LRCH3: variants seen among roughly 807,000 people sequenced by gnomAD.
LRCH3 encodes leucine rich repeats and calponin homology domain containing 3, also known as DISP complex protein LRCH3.
Under a neutral mutation model 104.5 loss-of-function variants are expected in LRCH3, and 68 were observed. The ratio of observed to expected loss-of-function variants is 0.65; its 90% CI spans 0.54 to 0.80. The LOEUF is 0.80. LRCH3 is among the 30% of genes least tolerant of loss of function. LRCH3 has a pLI of 0.00. For synonymous variants in LRCH3, 344 were observed against 361.3 expected (o/e 0.95, Z 0.54); for missense variants, 951 against 953.9 (o/e 1.00, Z 0.04).
Position 197,810,034 on chromosome 3 carries a change from C to T in LRCH3, c.263-4874C>T, listed in dbSNP as rs1003312204. 2.0e-5 allele frequency among the ~76,000 whole-genome samples: 3 copies of T among 152,106 alleles called. No individual in the cohort carries two copies. Among genetic ancestry groups the T allele is most frequent in the African/African-American group, 7.2e-5 (3 of 41,414 alleles). ...TAACCTTTGAGTAGGGGTGAGGCTA[C>T]TCAAAGGTTGCATGGGAAGCCTGTT... is the stretch of plus-strand genomic sequence containing the variant. On this transcript the variant is annotated intron_variant, in intron 1 of 20. Transcript: ENST00000425562. This position sits in a 1 kb window ranked among gnomAD's most constrained non-coding sequence, Gnocchi z 4.0.
chr3:197,872,767 A>T (rs974186732), intron 19 of LRCH3, among the ~76,000 whole-genome samples: 9 of 152,170 alleles, frequency 5.9e-5, no homozygotes, highest in African/African-American at 2.2e-4. Flanking sequence ...AGCCAGGAGA[A>T]TCACTTGAAC....
intron 5 of LRCH3, among the ~76,000 whole-genome samples, chr3:197,828,668 A>G (rs1287125775): frequency 1.4e-5 from 2 of 141,398 alleles, no homozygotes; most frequent in African/African-American, 5.3e-5. Flanking sequence ...TTAACTCTGC[A>G]GTTTATTGAC....
chr3:197,818,023 G>A (rs113792496), intron 3 of LRCH3, among the ~76,000 whole-genome samples: 10,255 of 152,124 alleles, frequency 0.067, 467 homozygotes, highest in Non-Finnish European at 0.092. Context: ...GGGTTTCACC[G>A]TGTTAGCCAG....
At chr3:197,836,239 C>A (rs1736777406) in intron 9 of LRCH3, among the ~76,000 whole-genome samples, 2 of 152,234 alleles carry the variant, frequency 1.3e-5, no homozygotes, top group Admixed American at 6.5e-5. Context: ...AACATGCAGA[C>A]TTAACCATAG....
Position 197,835,665 on chromosome 3 carries a change from T to A in LRCH3, c.1103-9T>A. On this transcript the variant is annotated splice_polypyrimidine_tract_variant and intron_variant, in intron 8 of 20. Transcript: ENST00000425562. ...TGTGTGTGTGTGGGTGTGTGTGTGG[T>A]GTATACAGTGGAACATGATCTGGAT... is the stretch of plus-strand genomic sequence containing the variant. The A allele has an allele frequency of 6.2e-7, 1 of 1,609,900 alleles. No individual in the cohort carries two copies. The highest frequency in any genetic ancestry group is 8.5e-7 in the Non-Finnish European group (1 of 1,177,834).
At chr3:197,840,490 G>A (rs899749026) in intron 10 of LRCH3, among the ~76,000 whole-genome samples, 1 of 152,146 alleles carries the variant, frequency 6.6e-6, no homozygotes, top group Admixed American at 6.5e-5. Context: ...TTGAAAATTA[G>A]CTTGATCGTT....
At position 197,866,105 on chromosome 3, in the gene LRCH3, A is replaced by G. The variant is rs758416265; in HGVS notation, c.1766-7A>G. 19 of 1,590,878 alleles carry G rather than the reference A, an allele frequency of 1.2e-5. No homozygotes were observed. The highest frequency in any genetic ancestry group is 1.3e-5 in the Non-Finnish European group (15 of 1,158,988). ...TTAATCTCATTTTATTTTTCATGCT[A>G]ATTTAGTTCATCATTCCCCTGCATA... On this transcript the variant is annotated splice_polypyrimidine_tract_variant and splice_region_variant and intron_variant, in intron 16 of 20. Transcript: ENST00000425562.
intron 1 of LRCH3, among the ~76,000 whole-genome samples, chr3:197,811,138 C>G (rs1267511249): frequency 6.6e-6 from 1 of 152,100 alleles, no homozygotes; most frequent in African/African-American, 2.4e-5. Context: ...ACTGCGCTGC[C>G]GTCTATGTTC....
intron 15 of LRCH3, among the ~76,000 whole-genome samples, chr3:197,864,048 A>C (rs923417047): frequency 6.7e-6 from 1 of 150,228 alleles, no homozygotes; most frequent in Admixed American, 6.6e-5. Context: ...GCTCATGCCT[A>C]TAATCCCAGC....
chr3:197,808,823 G>C (rs1419831811), intron 1 of LRCH3, among the ~76,000 whole-genome samples: 1 of 152,044 alleles, frequency 6.6e-6, no homozygotes, highest in Admixed American at 6.6e-5. Context: ...AGGATCACTT[G>C]AGCCCAGGAG....
intron 20 of LRCH3, among the ~76,000 whole-genome samples, chr3:197,879,545 C>T (rs1292479794): frequency 3.3e-5 from 5 of 151,794 alleles, no homozygotes; most frequent in Non-Finnish European, 7.4e-5. Flanking sequence ...GCTCGGGAGG[C>T]TGAGGCGGGA....
chr3:197,819,877 T>C (rs1734286139), intron 3 of LRCH3, among the ~76,000 whole-genome samples: 1 of 152,140 alleles, frequency 6.6e-6, no homozygotes, highest in Non-Finnish European at 1.5e-5. Flanking sequence ...TTTTTTCTTT[T>C]TAAAAAAAAG....
At chr3:197,801,242 G>A (rs138196942) in intron 1 of LRCH3, among the ~76,000 whole-genome samples, 103 of 152,196 alleles carry the variant, frequency 6.8e-4, no homozygotes, top group Admixed American at 2.5e-3. Context: ...AAAAATATAA[G>A]TGCTAAAAGT....
At position 197,879,123 on chromosome 3, in the gene LRCH3, CAA is replaced by C. The variant is rs1377900670; in HGVS notation, c.2208+3354_2208+3355del. On this transcript the variant is annotated intron_variant, in intron 20 of 20. Transcript: ENST00000425562. Reference sequence around the variant, plus strand: ...ATGCTTCTATTCAATATGCTACATTCAAAAAAACTGTAATGGGTGATTAAAAA... The same window carrying C: ...ATGCTTCTATTCAATATGCTACATTCAAAAACTGTAATGGGTGATTAAAAA... 6.6e-5 allele frequency among the ~76,000 whole-genome samples: 10 copies of C among 152,126 alleles called. No individual in the cohort carries two copies. The South Asian group carries it at 2.1e-3, about 32-fold the overall frequency.
At chr3:197,879,522 T>C (rs1338534473) in intron 20 of LRCH3, among the ~76,000 whole-genome samples, 2 of 151,420 alleles carry the variant, frequency 1.3e-5, no homozygotes, top group Non-Finnish European at 2.9e-5. Context: ...GGCGGGCGCC[T>C]GTAGTCCCAG....
Position 197,854,448 on chromosome 3 carries a change from A to G in LRCH3, c.1644+3A>G, listed in dbSNP as rs1468558108. On this transcript the variant is annotated splice_donor_region_variant and intron_variant, in intron 14 of 20. Transcript: ENST00000425562. This position sits in a 1 kb window ranked among gnomAD's most constrained non-coding sequence, Gnocchi z 4.5. Reference sequence around the variant, plus strand: ...CTGATGATAGTGCCTTGTGCATGGTAAGAGTTTTGCACAAAACGGAGTTTC... The same window carrying G: ...CTGATGATAGTGCCTTGTGCATGGTGAGAGTTTTGCACAAAACGGAGTTTC... 1 of 1,613,618 alleles carries G rather than the reference A, an allele frequency of 6.2e-7. No individual in the cohort carries two copies. The highest frequency in any genetic ancestry group is 2.2e-5 in the East Asian group (1 of 44,894).
chr3:197,870,526 C>A (rs578014150), intron 18 of LRCH3, among the ~76,000 whole-genome samples: 1 of 152,098 alleles, frequency 6.6e-6, no homozygotes, highest in Non-Finnish European at 1.5e-5. Context: ...TCACTGCACC[C>A]AGCTAGTTTT....
Position 197,854,569 on chromosome 3 carries a change from T to A in LRCH3, c.1644+124T>A. 1 of 934,130 alleles carries A rather than the reference T, an allele frequency of 1.1e-6. No homozygotes were observed. The highest frequency in any genetic ancestry group is 1.7e-6 in the Non-Finnish European group (1 of 591,768). 57.9% of individuals were successfully genotyped at this position (934,130 alleles called of 1,614,324 possible). Reference sequence around the variant, plus strand: ...CATTACTAAATGCTTTATGAAGAACTAAACCATTTTCCCACATGACCATTT... The same window carrying A: ...CATTACTAAATGCTTTATGAAGAACAAAACCATTTTCCCACATGACCATTT... On this transcript the variant is annotated intron_variant, in intron 14 of 20. Coordinates refer to ENST00000425562, the MANE Select transcript of LRCH3 (RefSeq NM_001365715.1). The surrounding 1 kb of genome is among the most constrained non-coding windows in gnomAD (Gnocchi z 4.5).
intron 3 of LRCH3, among the ~76,000 whole-genome samples, chr3:197,819,902 G>C (rs561532167): frequency 6.6e-6 from 1 of 152,020 alleles, no homozygotes; most frequent in Admixed American, 6.6e-5. Context: ...TAGAGACAAG[G>C]CCTTACCATG....
Sources: gnomAD v4.1 joint callset for allele counts (sites outside exome capture counted in the v4.1 genomes callset) on GRCh38, gnomAD v4.1.1 for gene constraint, Gnocchi (gnomAD v3.1) non-coding constraint, MANE v1.5 for transcripts, NCBI Gene and HGNC (gene_info 2026-07-23, HGNC 2026-07-21) for gene names.